COLEC12: variants seen among roughly 807,000 people sequenced by gnomAD.
The protein encoded by COLEC12 is collectin subfamily member 12.
A neutral mutation model predicts 71.1 loss-of-function variants in COLEC12; 33 were observed. The observed-to-expected ratio is 0.46, with a 90% CI of 0.35 to 0.62. The LOEUF (loss-of-function observed/expected upper bound fraction) is 0.62. COLEC12 is among the 20% of genes least tolerant of loss of function. The pLI, the probability that COLEC12 is intolerant of heterozygous loss-of-function variation, is 0.00. For synonymous variants in COLEC12, 350 were observed against 353.0 expected, an observed-to-expected ratio of 0.99 and a Z score of 0.10; for missense variants, 765 against 916.1, an observed-to-expected ratio of 0.84 and a Z score of 2.13.
At chr18:433,044 A>G (rs986863912) in intron 2 of COLEC12, among the ~76,000 whole-genome samples, 17 of 152,162 alleles carry the variant, frequency 1.1e-4, no homozygotes, top group African/African-American at 4.1e-4. Context: ...GGAAGGAAAT[A>G]CATTGGATTA....
At chr18:406,922 A>G (rs1915802854) in intron 2 of COLEC12, among the ~76,000 whole-genome samples, 1 of 152,234 alleles carries the variant, frequency 6.6e-6, no homozygotes, top group Non-Finnish European at 1.5e-5. Flanking sequence ...GGACAATGTG[A>G]GTTTGCAGTA....
chr18:439,575 G>A (rs1916473912), intron 2 of COLEC12, among the ~76,000 whole-genome samples: 1 of 150,132 alleles, frequency 6.7e-6, no homozygotes, highest in Non-Finnish European at 1.5e-5. Flanking sequence ...TTAAAAATAA[G>A]GTTATTGAAA....
intron 1 of COLEC12, among the ~76,000 whole-genome samples, chr18:499,798 C>T (rs1917783849): frequency 6.6e-6 from 1 of 152,248 alleles, no homozygotes; most frequent in African/African-American, 2.4e-5. Flanking sequence ...CTGACACTTC[C>T]ATAAACCGGC....
chr18:473,295 T>C lies in COLEC12; in HGVS notation c.58+7412A>G, dbSNP rs565143962. Reference sequence around the variant, plus strand: ...AACTTTGCAGAGGATCGTAGTTTTTTCTCAAAATCCATGGCCCAAGGACAG... The same window carrying C: ...AACTTTGCAGAGGATCGTAGTTTTTCCTCAAAATCCATGGCCCAAGGACAG... On this transcript the variant is annotated intron_variant, in intron 2 of 9. Coordinates refer to ENST00000400256, the MANE Select transcript of COLEC12 (RefSeq NM_130386.3). Among the ~76,000 whole-genome samples, 8 of 152,288 alleles carry C rather than the reference T, an allele frequency of 5.3e-5. No individual in the cohort carries two copies. In the East Asian group the frequency reaches 1.5e-3, roughly 29 times the overall value.
chr18:419,900 G>C (rs1377486616), intron 2 of COLEC12, among the ~76,000 whole-genome samples: 1 of 152,218 alleles, frequency 6.6e-6, no homozygotes, highest in Non-Finnish European at 1.5e-5. Context: ...TAAGCCTTAA[G>C]AGACCAGCAG....
intron 1 of COLEC12, among the ~76,000 whole-genome samples, chr18:486,746 T>C (rs2143782861): frequency 6.6e-6 from 1 of 152,212 alleles, no homozygotes; most frequent in Non-Finnish European, 1.5e-5. Context: ...GGAATAAAGG[T>C]GAGGCTAAAA....
rs1273284581 is a variant in COLEC12 at position 448,182 on chromosome 18, ATCT to A, written c.58+32522_58+32524del. Among the ~76,000 whole-genome samples the A allele has an allele frequency of 2.6e-5, 4 of 152,220 alleles. No homozygotes were observed. The South Asian group carries it at 6.2e-4, about 24-fold the overall frequency. Reference sequence around the variant, plus strand: ...CTTGAAAATATCACTTTTTGTAGTAATCTTCTTTTTTAACCACTTTGTCATCAT... The same window carrying A: ...CTTGAAAATATCACTTTTTGTAGTAATCTTTTTTAACCACTTTGTCATCAT... On this transcript the variant is annotated intron_variant, in intron 2 of 9. Transcript: ENST00000400256.
intron 5 of COLEC12, among the ~76,000 whole-genome samples, chr18:342,902 T>C (rs1366710444): frequency 6.6e-6 from 1 of 152,086 alleles, no homozygotes; most frequent in Non-Finnish European, 1.5e-5. Context: ...TTTCCATGAG[T>C]CGGAAACCTC....
intron 5 of COLEC12, among the ~76,000 whole-genome samples, chr18:338,386 G>C (rs1423988115): frequency 6.6e-6 from 1 of 152,204 alleles, no homozygotes; most frequent in Non-Finnish European, 1.5e-5. Flanking sequence ...TTGTGCCCCA[G>C]GTGAGATCAG....
At chr18:442,765 T>C (rs1916568218) in intron 2 of COLEC12, among the ~76,000 whole-genome samples, 1 of 152,172 alleles carries the variant, frequency 6.6e-6, no homozygotes, top group South Asian at 2.1e-4. Context: ...ATCGAGACCA[T>C]CCTGGCTAAC....
chr18:325,627 C>CCTTTTT (rs1913820417), intron 8 of COLEC12, among the ~76,000 whole-genome samples: 1 of 51,834 alleles, frequency 1.9e-5, no homozygotes, highest in South Asian at 1.3e-3. Context: ...AAGGATCAGC[C>CCTTTTT]TTTTTTTTTT....
intron 2 of COLEC12, among the ~76,000 whole-genome samples, chr18:413,198 G>C (rs568690223): frequency 1.3e-3 from 198 of 152,266 alleles, no homozygotes; most frequent in African/African-American, 4.6e-3. Flanking sequence ...GACATGAAGA[G>C]ACATTTGACT....
chr18:452,123 G>A lies in COLEC12; in HGVS notation c.58+28584C>T, dbSNP rs574856871. On this transcript the variant is annotated intron_variant, in intron 2 of 9. Coordinates refer to ENST00000400256, the MANE Select transcript of COLEC12 (RefSeq NM_130386.3). ...ACTATGCGTGATCTAGTGTTAAGCA[G>A]AATAGATATTGTTGAGTGAATAAAT... 2.0e-5 allele frequency among the ~76,000 whole-genome samples: 3 copies of A among 152,316 alleles called. No individual in the cohort carries two copies. The East Asian group carries it at 5.8e-4, about 29-fold the overall frequency.
intron 2 of COLEC12, among the ~76,000 whole-genome samples, chr18:444,163 C>A (rs1009570821): frequency 3.4e-5 from 5 of 148,196 alleles, no homozygotes; most frequent in African/African-American, 1.2e-4. Flanking sequence ...CATGAAACAA[C>A]CTCATCAGAA....
chr18:497,053 C>T (rs1297600202), intron 1 of COLEC12, among the ~76,000 whole-genome samples: 3 of 152,166 alleles, frequency 2.0e-5, no homozygotes, highest in Admixed American at 2.0e-4. Flanking sequence ...GTTTGGAAGA[C>T]TTCAAGTACT....
chr18:409,182 G>A (rs1465717769), intron 2 of COLEC12, among the ~76,000 whole-genome samples: 3 of 152,140 alleles, frequency 2.0e-5, no homozygotes, highest in Admixed American at 1.3e-4. Flanking sequence ...CAGAACCAAT[G>A]AGTTTTCACA....
chr18:428,526 CT>C (rs1916240584), intron 2 of COLEC12, among the ~76,000 whole-genome samples: 2 of 152,196 alleles, frequency 1.3e-5, no homozygotes. Context: ...GCTCAACCAT[CT>C]GCTATTATGC....
At chr18:337,225 G>C (rs531125726) in intron 5 of COLEC12, among the ~76,000 whole-genome samples, 1 of 151,274 alleles carries the variant, frequency 6.6e-6, no homozygotes, top group East Asian at 2.0e-4. Context: ...AGAAGTGCTG[G>C]AGCAATGGAG....
chr18:335,006 C>T lies in COLEC12; in HGVS notation c.1552G>A (p.Gly518Ser), dbSNP rs1914082774. 4.4e-6 allele frequency: 7 copies of T among 1,583,702 alleles called. No homozygotes were observed. Among genetic ancestry groups the T allele is most frequent in the Admixed American group, 1.9e-5 (1 of 51,294 alleles). ...GGGTCCCCACTGGAGCCCTGAGGGC[C>T]GGGCTTCCCAGGGGAACCACGGGAG... is the stretch of plus-strand genomic sequence containing the variant. Reference protein sequence around the residue: ...KGSRGSPGKPGPQGSSGDPGP... With the variant: ...KGSRGSPGKPSPQGSSGDPGP... The change falls in exon 6 of 10, where the codon GGC (glycine) becomes AGC (serine). Residue 518 changes from glycine (G) to serine (S), a missense_variant. Physicochemically the swap from Gly to Ser is moderately conservative, Grantham distance 56. Coordinates refer to ENST00000400256, the MANE Select transcript of COLEC12 (RefSeq NM_130386.3).
Sources: allele counts gnomAD v4.1 joint callset (sites outside exome capture counted in the v4.1 genomes callset), GRCh38; gene constraint gnomAD v4.1.1; transcripts MANE v1.5; gene names NCBI Gene and HGNC (gene_info 2026-07-23, HGNC 2026-07-21).